TMEM132C: variants seen among roughly 807,000 people sequenced by gnomAD.
The protein encoded by TMEM132C is transmembrane protein 132C.
Under a neutral mutation model 61.4 loss-of-function variants are expected in TMEM132C, and 29 were observed. That is an observed-to-expected ratio of 0.47 (90% CI 0.35 to 0.64). TMEM132C has a LOEUF of 0.64. Ranked by LOEUF, TMEM132C falls within the 30% of genes least tolerant of loss-of-function variation. The pLI, the probability that TMEM132C is intolerant of heterozygous loss-of-function variation, is 0.00. For missense variants in TMEM132C, 1,408 were observed against 1,476.9 expected (o/e 0.95, Z 0.76); for synonymous variants, 656 against 633.1 (o/e 1.04, Z -0.54).
intron 1 of TMEM132C, among the ~76,000 whole-genome samples, chr12:128,344,467 TTA>T: frequency 6.6e-6 from 1 of 152,190 alleles, no homozygotes; most frequent in Non-Finnish European, 1.5e-5. Flanking sequence ...GTATATGTTT[TTA>T]TGTCTTTTGG....
intron 4 of TMEM132C, among the ~76,000 whole-genome samples, chr12:128,632,698 G>T (rs535446700): frequency 3.9e-5 from 6 of 152,336 alleles, no homozygotes; most frequent in African/African-American, 1.2e-4. Context: ...GACCATGTGT[G>T]CAGAATCAAT....
At chr12:128,385,270 C>T (rs989467513) in intron 1 of TMEM132C, among the ~76,000 whole-genome samples, 45 of 98,710 alleles carry the variant, frequency 4.6e-4, no homozygotes, top group African/African-American at 1.1e-3. Flanking sequence ...AGGATCATTG[C>T]AAATATTTGA....
chr12:128,565,057 C>T (rs1272965869), intron 3 of TMEM132C, among the ~76,000 whole-genome samples: 1 of 152,170 alleles, frequency 6.6e-6, no homozygotes, highest in Non-Finnish European at 1.5e-5. Flanking sequence ...TATGCCACTC[C>T]CATGATTAGG....
intron 1 of TMEM132C, among the ~76,000 whole-genome samples, chr12:128,352,428 C>T (rs575711012): frequency 6.6e-6 from 1 of 152,208 alleles, no homozygotes; most frequent in South Asian, 2.1e-4. Context: ...GGGTCCTTCC[C>T]ACAACACATG....
chr12:128,691,960 C>T (rs1171047831), intron 5 of TMEM132C, among the ~76,000 whole-genome samples: 1 of 147,202 alleles, frequency 6.8e-6, no homozygotes, highest in Non-Finnish European at 1.5e-5. Context: ...TGTCCACTAC[C>T]CATTCACCTG....
At chr12:128,368,760 A>G (rs75593162) in intron 1 of TMEM132C, among the ~76,000 whole-genome samples, 2,218 of 152,234 alleles carry the variant, frequency 0.015, 58 homozygotes, top group African/African-American at 0.05. Context: ...TATGTTTTTT[A>G]TCTCACATCC....
chr12:128,488,095 A>C (rs1871566923), intron 2 of TMEM132C, among the ~76,000 whole-genome samples: 1 of 152,168 alleles, frequency 6.6e-6, no homozygotes, highest in African/African-American at 2.4e-5. Flanking sequence ...CGGTGTAACT[A>C]CTCACACCAT....
chr12:128,562,738 C>T (rs143516023), intron 3 of TMEM132C, among the ~76,000 whole-genome samples: 2,721 of 152,332 alleles, frequency 0.018, 50 homozygotes, highest in Non-Finnish European at 0.032. Flanking sequence ...CCCCTGTAAC[C>T]ATGGTGGGTG....
chr12:128,628,539 A>G (rs1954039319), intron 4 of TMEM132C, among the ~76,000 whole-genome samples: 1 of 152,228 alleles, frequency 6.6e-6, no homozygotes, highest in African/African-American at 2.4e-5. Flanking sequence ...CTTGCGTAAC[A>G]TGACCAAATA....
intron 3 of TMEM132C, among the ~76,000 whole-genome samples, chr12:128,548,225 G>A (rs534038051): frequency 4.8e-4 from 73 of 152,308 alleles, no homozygotes; most frequent in African/African-American, 1.7e-3. Flanking sequence ...TATATGGTGT[G>A]TGAGAGACTG....
rs1053225636 is a variant in TMEM132C at position 128,556,805 on chromosome 12, G to A, written c.1121+12702G>A. On this transcript the variant is annotated intron_variant, in intron 3 of 8. Transcript: ENST00000435159. The stretch of plus-strand genomic sequence containing the variant: ...AGGACCCCCGAGCCTTGTGAATAGA[G>A]CATGGTGTCCAGCTGCCCCTGACTG... Among the ~76,000 whole-genome samples, 4 of 152,124 alleles carry A rather than the reference G, an allele frequency of 2.6e-5. No homozygotes were observed. In the East Asian group the frequency reaches 5.8e-4, roughly 22 times the overall value.
intron 5 of TMEM132C, among the ~76,000 whole-genome samples, chr12:128,683,465 TGTAA>T (rs531991554): frequency 3.5e-4 from 54 of 152,280 alleles, no homozygotes; most frequent in African/African-American, 1.2e-3. Context: ...CCTCACGCAG[TGTAA>T]GTGAGAGGTT....
intron 3 of TMEM132C, among the ~76,000 whole-genome samples, chr12:128,563,182 G>A (rs1204225349): frequency 6.6e-6 from 1 of 152,258 alleles, no homozygotes; most frequent in African/African-American, 2.4e-5. Context: ...AGAGGAAGAA[G>A]GGGACAGCTG....
At chr12:128,479,968 T>C (rs1311073653) in intron 2 of TMEM132C, among the ~76,000 whole-genome samples, 1 of 152,184 alleles carries the variant, frequency 6.6e-6, no homozygotes, top group Non-Finnish European at 1.5e-5. Flanking sequence ...GGGAAAAGTC[T>C]CCTTTTTGCC....
intron 4 of TMEM132C, among the ~76,000 whole-genome samples, chr12:128,660,299 G>A (rs569467238): frequency 6.6e-5 from 10 of 152,252 alleles, no homozygotes; most frequent in Admixed American, 1.3e-4. Context: ...TCTGATTCTG[G>A]TGCTCAAAAA....
intron 1 of TMEM132C, among the ~76,000 whole-genome samples, chr12:128,394,387 C>T (rs1477137977): frequency 6.6e-6 from 1 of 152,234 alleles, no homozygotes; most frequent in African/African-American, 2.4e-5. Context: ...GGGAAGCCAA[C>T]AGCATCCTCT....
chr12:128,344,307 G>A (rs1335601562), intron 1 of TMEM132C, among the ~76,000 whole-genome samples: 3 of 152,048 alleles, frequency 2.0e-5, no homozygotes, highest in Non-Finnish European at 4.4e-5. Context: ...ACAGGAGCCT[G>A]CCACCACATC....
intron 1 of TMEM132C, among the ~76,000 whole-genome samples, chr12:128,274,592 G>A (rs1294792683): frequency 6.6e-6 from 1 of 152,240 alleles, no homozygotes; most frequent in Non-Finnish European, 1.5e-5. Flanking sequence ...TTTCCTATGA[G>A]CAGGAAGCTG....
At chr12:128,508,130 A>G (rs1872439921) in intron 2 of TMEM132C, among the ~76,000 whole-genome samples, 2 of 152,084 alleles carry the variant, frequency 1.3e-5, no homozygotes, top group South Asian at 2.1e-4. Context: ...GGTTTAATGG[A>G]CTCACAGTTC....
Sources: gnomAD v4.1 joint callset for allele counts (sites outside exome capture counted in the v4.1 genomes callset) on GRCh38, gnomAD v4.1.1 for gene constraint, MANE v1.5 for transcripts, NCBI Gene and HGNC (gene_info 2026-07-23, HGNC 2026-07-21) for gene names.